The following PHC3 variants were observed in gnomAD, a reference collection of about 807,000 sequenced individuals.
PHC3 encodes polyhomeotic-like protein 3.
In PHC3, 13 loss-of-function variants were observed where a neutral mutation model predicts 107.4. The observed-to-expected ratio is 0.12, with a 90% CI of 0.08 to 0.19. The LOEUF (loss-of-function observed/expected upper bound fraction) is 0.19. Ranked by LOEUF, PHC3 falls within the 10% of genes least tolerant of loss-of-function variation. The probability of loss-of-function intolerance (pLI) is 1.00; values close to 1 mark genes in which losing one functional copy is unlikely to be tolerated. For synonymous variants in PHC3, 456 were observed against 427.4 expected (o/e 1.07, Z -0.83); for missense variants, 992 against 1,210.9 (o/e 0.82, Z 2.68).
Position 170,087,798 on chromosome 3 carries a change from CTTTAA to C in PHC3, c.*9427_*9431del, listed in dbSNP as rs1453755110. On this transcript the variant is annotated 3_prime_UTR_variant, in exon 15 of 15. Transcript: ENST00000495893. ...AAGTTAAGCAGCAGAGTATAAGGTGCTTTAATTTAATAGTTAATGTTGCCATCAAC... is the reference window on the plus strand; with the variant it reads ...AAGTTAAGCAGCAGAGTATAAGGTGCTTTAATAGTTAATGTTGCCATCAAC... The C allele has an allele frequency of 6.6e-6, 1 of 152,096 alleles. No individual in the cohort carries two copies. The highest frequency in any genetic ancestry group is 1.9e-4 in the East Asian group (1 of 5,202). 9.4% of individuals were successfully genotyped at this position (152,096 alleles called of 1,614,324 possible). A position where few individuals can be genotyped will look rare whatever the true frequency, so the allele number is the denominator to read the frequency against.
At position 170,122,702 on chromosome 3, in the gene PHC3, C is replaced by T; in HGVS notation, c.1831G>A (p.Glu611Lys). 1 of 1,613,962 alleles carries T rather than the reference C, an allele frequency of 6.2e-7. No homozygotes were observed. Among genetic ancestry groups the T allele is most frequent in the Non-Finnish European group, 8.5e-7 (1 of 1,179,870 alleles). ...TCCATCCGGACACATTCATCTGACT[C>T]TTCTGGCATTTCTTCTTCACACACA... Reference protein sequence around the residue: ...EDVCEEEMPEESDECVRMDRT... With the variant: ...EDVCEEEMPEKSDECVRMDRT... Residue 611 changes from glutamate (E) to lysine (K), a missense_variant, in exon 9 of 15, where the codon GAG (glutamate) becomes AAG (lysine). Physicochemically the swap from Glu to Lys is moderately conservative, Grantham distance 56 (BLOSUM62 1). This residue lies in a region of PHC3 where 543 missense variants were observed against 590.8 expected (regional missense o/e 0.92). Coordinates refer to ENST00000495893, the MANE Select transcript of PHC3 (RefSeq NM_024947.4).
chr3:170,166,063 G>C (rs1357506638), intron 4 of PHC3, among the ~76,000 whole-genome samples: 1 of 150,924 alleles, frequency 6.6e-6, no homozygotes, highest in African/African-American at 2.4e-5. Flanking sequence ...TTTATTTTTT[G>C]AGATGGAGTC....
At chr3:170,159,598 T>A (rs1161694340) in intron 4 of PHC3, among the ~76,000 whole-genome samples, 1 of 152,204 alleles carries the variant, frequency 6.6e-6, no homozygotes, top group Non-Finnish European at 1.5e-5. Flanking sequence ...ATATGATCAT[T>A]AAAGAACAAA....
chr3:170,170,739 C>T (rs1023761406), intron 4 of PHC3: 4 of 151,952 alleles, frequency 2.6e-5, no homozygotes, highest in Non-Finnish European at 4.4e-5. Flanking sequence ...AGAGTAGATA[C>T]AGAAATTTTT....
intron 5 of PHC3, among the ~76,000 whole-genome samples, chr3:170,146,267 C>G (rs892986403): frequency 4.6e-5 from 7 of 151,214 alleles, no homozygotes; most frequent in African/African-American, 1.7e-4. Flanking sequence ...CCCAGCTACT[C>G]GAGAGGCTGA....
intron 8 of PHC3, chr3:170,126,017 ATT>A (rs1197806357): frequency 1.0e-6 from 1 of 953,220 alleles, no homozygotes; most frequent in Non-Finnish European, 1.2e-6. Flanking sequence ...ACTGAGGAAT[ATT>A]TGTTTATTAG....
rs1207106954 is a variant in PHC3, at chr3:170,156,010, CT to C, written c.415-6767del. Among the ~76,000 whole-genome samples the C allele has an allele frequency of 3.3e-5, 5 of 152,098 alleles. No homozygotes were observed. The East Asian group carries it at 7.7e-4, about 23-fold the overall frequency. ...ATGCTTACCTTAGTATATTAATTTG[CT>C]TTTATCATGTTAAAGCAGCTTATAA... On this transcript the variant is annotated intron_variant, in intron 4 of 14. Coordinates refer to ENST00000495893, the MANE Select transcript of PHC3 (RefSeq NM_024947.4).
At chr3:170,103,020 G>A (rs1715773690) in intron 12 of PHC3, 86 bp from the exon 13 acceptor site, 2 of 1,260,440 alleles carry the variant, frequency 1.6e-6, no homozygotes, top group South Asian at 2.7e-5. Context: ...GTGCAACTGT[G>A]AATCAGTAAG....
intron 4 of PHC3, among the ~76,000 whole-genome samples, chr3:170,164,812 A>AG (rs1417241979): frequency 6.6e-6 from 1 of 152,212 alleles, no homozygotes; most frequent in East Asian, 1.9e-4. Context: ...CCAAAGGACC[A>AG]GGAAGGGCAC....
In PHC3 at chr3:170,102,932, T is replaced by A; in HGVS notation, c.2471A>T (p.Tyr824Phe). 1 of 1,610,498 alleles carries A rather than the reference T, an allele frequency of 6.2e-7. No individual in the cohort carries two copies. Among genetic ancestry groups the A allele is most frequent in the Non-Finnish European group, 8.5e-7 (1 of 1,177,802 alleles). ...RFCTMSCAKRYNVSCSKKFAL... is the reference protein window; with the variant it reads ...RFCTMSCAKRFNVSCSKKFAL... ...AAATTTTTTAGAACAGCTAACATTGTACCTAAGAAATTCAAGAAAGAAAAA... is the reference window on the plus strand; with the variant it reads ...AAATTTTTTAGAACAGCTAACATTGAACCTAAGAAATTCAAGAAAGAAAAA... The change falls in exon 13 of 15, where the codon TAC becomes TTC. Residue 824 changes from tyrosine to phenylalanine, a missense_variant and splice_region_variant. Tyr to Phe is a conservative substitution (Grantham distance 22, BLOSUM62 3). Coordinates refer to ENST00000495893, the MANE Select transcript of PHC3 (RefSeq NM_024947.4).
At chr3:170,152,351 T>C (rs1488551363) in intron 4 of PHC3, among the ~76,000 whole-genome samples, 1 of 148,682 alleles carries the variant, frequency 6.7e-6, no homozygotes, top group Non-Finnish European at 1.5e-5. Flanking sequence ...TTTTTTTTTT[T>C]TTTTTTTTGT....
At position 170,113,496 on chromosome 3, in the gene PHC3, T is replaced by A; in HGVS notation, c.2217A>T (p.Ile739=). 3 of 1,610,252 alleles carry A rather than the reference T, an allele frequency of 1.9e-6. No homozygotes were observed. Among genetic ancestry groups the A allele is most frequent in the Non-Finnish European group, 2.5e-6 (3 of 1,178,606 alleles). ...PFPVSRSSLL[I]EQPVKKRPLL... Reference sequence around the variant, plus strand: ...GAGGCCGTTTTTTCACAGGCTGTTCTATTAGCAAAGAGGAACGACTCACCT... The same window carrying A: ...GAGGCCGTTTTTTCACAGGCTGTTCAATTAGCAAAGAGGAACGACTCACCT... The change falls in exon 11 of 15, where the codon ATA becomes ATT. Residue 739 remains isoleucine (I), a synonymous_variant. Transcript: ENST00000495893.
At chr3:170,123,224 T>C (rs900194865) in intron 8 of PHC3, among the ~76,000 whole-genome samples, 2 of 152,128 alleles carry the variant, frequency 1.3e-5, no homozygotes, top group Non-Finnish European at 2.9e-5. Flanking sequence ...AAAGATTAAA[T>C]TATAAAAAGT....
chr3:170,117,407 T>C lies in PHC3; in HGVS notation c.2012A>G (p.His671Arg), dbSNP rs771529124. ...CAATGGAGGTGGTGGAACAGAAACA[T>C]GTGAGGGATCTGATGGAGATTTAAT... Reference protein sequence around the residue: ...SVIKSPSDPSHVSVPPPPLLL... With the variant: ...SVIKSPSDPSRVSVPPPPLLL... The change falls in exon 10 of 15, where the codon CAT becomes CGT. Residue 671 changes from histidine (H) to arginine (R), a missense_variant. This residue lies in a region of PHC3 where 543 missense variants were observed against 590.8 expected (regional missense o/e 0.92). Transcript: ENST00000495893. 1 of 1,613,800 alleles carries C rather than the reference T, an allele frequency of 6.2e-7. No homozygotes were observed. The highest frequency in any genetic ancestry group is 8.5e-7 in the Non-Finnish European group (1 of 1,179,812).
rs1228894322 is a variant in PHC3 at position 170,088,105 on chromosome 3, A to G, written c.*9125T>C. On this transcript the variant is annotated 3_prime_UTR_variant, in exon 15 of 15. Coordinates refer to ENST00000495893, the MANE Select transcript of PHC3 (RefSeq NM_024947.4). ...TTTCATTTCTTGTAAGGAGGACTCT[A>G]ATACAATATCCAATGTAAAGAATAC... The G allele has an allele frequency of 6.6e-6, 1 of 152,208 alleles. No individual in the cohort carries two copies. Among genetic ancestry groups the G allele is most frequent in the East Asian group, 1.9e-4 (1 of 5,206 alleles). 9.4% of individuals were successfully genotyped at this position (152,208 alleles called of 1,614,324 possible). A position where few individuals can be genotyped will look rare whatever the true frequency, so the allele number is the denominator to read the frequency against.
chr3:170,119,827 C>T (rs1028629939), intron 9 of PHC3, among the ~76,000 whole-genome samples: 6 of 140,382 alleles, frequency 4.3e-5, no homozygotes, highest in Non-Finnish European at 7.5e-5. Context: ...TGATGAGTTA[C>T]TGTAAAAAAA....
At chr3:170,120,729 C>T (rs1338550681) in intron 9 of PHC3, among the ~76,000 whole-genome samples, 1 of 151,652 alleles carries the variant, frequency 6.6e-6, no homozygotes, top group African/African-American at 2.4e-5. Flanking sequence ...AATAGAAGCT[C>T]GAGAGAAAAG....
chr3:170,147,582 A>G lies in PHC3; in HGVS notation c.573+1504T>C, dbSNP rs188922171. 189 of 152,368 alleles carry G rather than the reference A, an allele frequency of 1.2e-3. 2 individuals are homozygous for G. Among genetic ancestry groups the G allele is most frequent in the African/African-American group, 4.4e-3 (181 of 41,582 alleles). The allele number at this position is 152,368 out of a possible 1,614,324, so 9.4% of individuals were successfully genotyped here. On this transcript the variant is annotated intron_variant, in intron 5 of 14. Coordinates refer to ENST00000495893, the MANE Select transcript of PHC3 (RefSeq NM_024947.4). ...GTTATTATTCCCTAAACAATATAGT[A>G]TAACAGTTATTTAAATGATGTTTAT...
chr3:170,154,713 G>T (rs535318930), intron 4 of PHC3, among the ~76,000 whole-genome samples: 1 of 152,146 alleles, frequency 6.6e-6, no homozygotes, highest in Non-Finnish European at 1.5e-5. Context: ...CAAGTGTTGT[G>T]TTTACTTTTA....
Sources: allele counts gnomAD v4.1 joint callset (sites outside exome capture counted in the v4.1 genomes callset), GRCh38; gene constraint gnomAD v4.1.1; regional missense constraint gnomAD v4.1.1; transcripts MANE v1.5; gene names NCBI Gene and HGNC (gene_info 2026-07-23, HGNC 2026-07-21).